Variants in RUFY2 observed in about 807,000 individuals in gnomAD.
RUFY2 encodes RUN and FYVE domain containing 2, also known as RUN and FYVE domain-containing protein 2.
Under a neutral mutation model 94.4 loss-of-function variants are expected in RUFY2, and 49 were observed. The observed-to-expected ratio is 0.52, with a 90% CI of 0.41 to 0.66. The LOEUF is 0.66. RUFY2 is among the 30% of genes least tolerant of loss of function. The probability of loss-of-function intolerance (pLI) is 0.00; values close to 1 mark genes in which losing one functional copy is unlikely to be tolerated. For synonymous variants in RUFY2, 255 were observed against 235.7 expected (o/e 1.08, Z -0.75); for missense variants, 541 against 692.8 (o/e 0.78, Z 2.46).
chr10:68,367,763 C>T (rs1460343732), intron 13 of RUFY2, among the ~76,000 whole-genome samples: 2 of 131,896 alleles, frequency 1.5e-5, no homozygotes, highest in Admixed American at 1.6e-4. Flanking sequence ...TCTTTCCTTC[C>T]TTTCTTTCTT....
chr10:68,356,069 T>G (rs2047036800), intron 15 of RUFY2, among the ~76,000 whole-genome samples: 1 of 152,164 alleles, frequency 6.6e-6, no homozygotes, highest in African/African-American at 2.4e-5. Context: ...AAGAAATGAC[T>G]GATGAAGTTT....
At position 68,345,751 on chromosome 10, in the gene RUFY2, G is replaced by T. The variant is rs779999056; in HGVS notation, c.*17C>A. 1.9e-6 allele frequency: 3 copies of T among 1,602,544 alleles called. No individual in the cohort carries two copies. The highest frequency in any genetic ancestry group is 2.6e-6 in the Non-Finnish European group (3 of 1,172,348). On this transcript the variant is annotated 3_prime_UTR_variant, in exon 18 of 18. Transcript: ENST00000602465. ...CATTGTAGGTAATTTCATACATAAG[G>T]ATTTAGTTCTGGAGTCTCAGGGCAA... is the stretch of plus-strand genomic sequence containing the variant.
At chr10:68,393,811 C>A in intron 6 of RUFY2, 1 of 486,950 alleles carries the variant, frequency 2.1e-6, no homozygotes, top group South Asian at 2.8e-5. Context: ...TCTTTTATTC[C>A]AAAAAACCAC....
rs542032736 is a variant in RUFY2, at chr10:68,391,316, G to T, written c.650+1822C>A. Among the ~76,000 whole-genome samples the T allele has an allele frequency of 1.2e-3, 186 of 151,500 alleles. 1 individual carries two copies. Among genetic ancestry groups the T allele is most frequent in the Middle Eastern group, 3.4e-3 (1 of 294 alleles). On this transcript the variant is annotated intron_variant, in intron 7 of 17. Coordinates refer to ENST00000602465, the MANE Select transcript of RUFY2 (RefSeq NM_001330103.2). ...ATAAAATATATTTTTAATTTTTGGG[G>T]TTTTTTTTACATTTTTATTATAGTT... is the stretch of plus-strand genomic sequence containing the variant.
intron 13 of RUFY2, among the ~76,000 whole-genome samples, chr10:68,366,631 A>G (rs148310344): frequency 0.02 from 2,920 of 149,104 alleles, 104 homozygotes; most frequent in African/African-American, 0.069. Flanking sequence ...AATCCCAGCT[A>G]TTCAGGAGGC....
At chr10:68,384,271 T>A in intron 8 of RUFY2, 119 bp from the exon 9 acceptor site, 1 of 1,294,580 alleles carries the variant, frequency 7.7e-7, no homozygotes, top group Non-Finnish European at 1.0e-6. Flanking sequence ...AAAAGGTCTG[T>A]CACATTCACA....
chr10:68,362,025 T>G (rs1426470200), intron 15 of RUFY2, among the ~76,000 whole-genome samples: 1 of 152,172 alleles, frequency 6.6e-6, no homozygotes, highest in Non-Finnish European at 1.5e-5. Context: ...TTTTTACTTT[T>G]CTGTACTTAA....
At chr10:68,376,369 G>A (rs1271369697) in intron 13 of RUFY2, among the ~76,000 whole-genome samples, 1 of 145,718 alleles carries the variant, frequency 6.9e-6, no homozygotes, top group Non-Finnish European at 1.5e-5. Context: ...AGAGGTTGCA[G>A]TGAGCTGAGG....
At chr10:68,385,459 T>G (rs2049424020) in intron 8 of RUFY2, among the ~76,000 whole-genome samples, 1 of 151,798 alleles carries the variant, frequency 6.6e-6, no homozygotes, top group South Asian at 2.1e-4. Context: ...ACAGAGCACA[T>G]GGGATGAGCT....
chr10:68,369,385 T>C (rs560478730), intron 13 of RUFY2, among the ~76,000 whole-genome samples: 15 of 151,194 alleles, frequency 9.9e-5, no homozygotes, highest in Non-Finnish European at 2.1e-4. Context: ...CTAGGGGGGC[T>C]GAGGCAGGAG....
At chr10:68,366,697 G>A (rs1287988890) in intron 13 of RUFY2, among the ~76,000 whole-genome samples, 2 of 144,268 alleles carry the variant, frequency 1.4e-5, no homozygotes, top group Non-Finnish European at 1.5e-5. Context: ...AGCTAAAATC[G>A]CACCATTGCA....
chr10:68,341,373 T>C, downstream of RUFY2: 1 of 1,510,116 alleles, frequency 6.6e-7, no homozygotes, highest in Non-Finnish European at 9.0e-7. Context: ...TAAGAGGCTC[T>C]AAGATCTGTA....
At position 68,344,272 on chromosome 10, in the gene RUFY2, T is replaced by C. The variant is rs541415650; in HGVS notation, c.*1496A>G. ...GAAGCATATATTCATGAAGAAAAGA[T>C]CCTGCAGTATTAATAAGAACTCCTT... On this transcript the variant is annotated 3_prime_UTR_variant, in exon 18 of 18. Transcript: ENST00000602465. 2 of 152,156 alleles carry C rather than the reference T, an allele frequency of 1.3e-5. No homozygotes were observed. The highest frequency in any genetic ancestry group is 4.8e-5 in the African/African-American group (2 of 41,420). The allele number at this position is 152,156 out of a possible 1,614,324, so 9.4% of individuals were successfully genotyped here. A position where few individuals can be genotyped will look rare whatever the true frequency, so the allele number is the denominator to read the frequency against.
At chr10:68,346,276 G>A (rs2046267770) in intron 16 of RUFY2, 192 bp from the exon 17 acceptor site, 1 of 534,900 alleles carries the variant, frequency 1.9e-6, no homozygotes, top group Non-Finnish European at 3.2e-6. Context: ...TGGGGAGGTG[G>A]GATGTGGATT....
chr10:68,381,492 T>C, intron 10 of RUFY2, 93 bp from the exon 11 acceptor site: 1 of 1,183,498 alleles, frequency 8.4e-7, no homozygotes. Flanking sequence ...ATATGCAGAC[T>C]ACACCTTTTA....
intron 5 of RUFY2, 90 bp downstream of exon 5, chr10:68,394,238 T>G: frequency 6.3e-7 from 1 of 1,595,288 alleles, no homozygotes; most frequent in Non-Finnish European, 8.6e-7. Flanking sequence ...TGTTTAACAG[T>G]CCTGTTTACA....
intron 13 of RUFY2, among the ~76,000 whole-genome samples, chr10:68,376,442 GTATATATATATATATATATATATATATA>G (rs764172830): frequency 3.6e-5 from 1 of 27,934 alleles, no homozygotes; most frequent in Non-Finnish European, 1.0e-4. Flanking sequence ...AAAAATGTGT[GTATATATATATATATATATATATATATA>G]TATATATATA....
intron 1 of RUFY2, chr10:68,406,822 G>A: frequency 6.2e-7 from 1 of 1,612,508 alleles, no homozygotes; most frequent in Non-Finnish European, 8.5e-7. Context: ...CAAAACCTGA[G>A]ATGCGTCTTC....
chr10:68,370,258 C>T (rs1170279700), intron 13 of RUFY2, among the ~76,000 whole-genome samples: 1 of 152,104 alleles, frequency 6.6e-6, no homozygotes, highest in African/African-American at 2.4e-5. Context: ...GCACTCCAGC[C>T]TGGGCAACAG....
Sources: gnomAD v4.1 joint callset for allele counts (sites outside exome capture counted in the v4.1 genomes callset) on GRCh38, gnomAD v4.1.1 for gene constraint, MANE v1.5 for transcripts, NCBI Gene and HGNC (gene_info 2026-07-23, HGNC 2026-07-21) for gene names.